MYO18B: variants seen among roughly 807,000 people sequenced by gnomAD.
The protein encoded by MYO18B is unconventional myosin-XVIIIb.
A neutral mutation model predicts 273.0 loss-of-function variants in MYO18B; 204 were observed. The observed-to-expected ratio is 0.75, with a 90% CI of 0.67 to 0.84. The LOEUF (loss-of-function observed/expected upper bound fraction) is 0.84, where lower values mean the gene tolerates loss of function less well. Ranked by LOEUF, MYO18B falls within the 40% of genes least tolerant of loss-of-function variation. The pLI is 0.00. For synonymous variants in MYO18B, 1,330 were observed against 1,305.7 expected (o/e 1.02, Z -0.40); for missense variants, 3,212 against 3,287.6 (o/e 0.98, Z 0.56).
At chr22:25,832,474 T>C (rs956649706) in intron 15 of MYO18B, among the ~76,000 whole-genome samples, 1 of 152,190 alleles carries the variant, frequency 6.6e-6, no homozygotes, top group African/African-American at 2.4e-5. Context: ...AAATGGTACA[T>C]GCTGGATGAA....
intron 33 of MYO18B, among the ~76,000 whole-genome samples, chr22:25,912,371 T>C (rs1431807762): frequency 6.6e-6 from 1 of 152,086 alleles, no homozygotes; most frequent in Non-Finnish European, 1.5e-5. Context: ...TAGAGGGGAA[T>C]CACTGCGAGA....
At chr22:25,836,607 T>A (rs2089908030) in intron 17 of MYO18B, among the ~76,000 whole-genome samples, 1 of 152,028 alleles carries the variant, frequency 6.6e-6, no homozygotes, top group South Asian at 2.1e-4. Flanking sequence ...AAAGACAGAT[T>A]CAAAACATGG....
At chr22:25,791,988 G>A (rs893035952) in intron 11 of MYO18B, among the ~76,000 whole-genome samples, 1 of 152,180 alleles carries the variant, frequency 6.6e-6, no homozygotes, top group African/African-American at 2.4e-5. Context: ...TGGTACTTTC[G>A]TTCTTCCCAC....
chr22:25,971,850 C>G (rs997988696), intron 39 of MYO18B, among the ~76,000 whole-genome samples: 1 of 152,082 alleles, frequency 6.6e-6, no homozygotes, highest in African/African-American at 2.4e-5. Flanking sequence ...ATCATGTTTG[C>G]ATTTTAACTG....
In MYO18B at chr22:26,012,887, A is replaced by T. The variant is rs567608286; in HGVS notation, c.6470+8032A>T. Among the ~76,000 whole-genome samples the T allele has an allele frequency of 2.6e-5, 4 of 152,314 alleles. No homozygotes were observed. The South Asian group carries it at 8.3e-4, about 32-fold the overall frequency. ...TCTTGAGGAAATTTTCAAAAAATTG[A>T]TCATACCTAATTAATTTGTAATTAC... On this transcript the variant is annotated intron_variant, in intron 42 of 43. Coordinates refer to ENST00000335473, the MANE Select transcript of MYO18B (RefSeq NM_032608.7).
At chr22:25,985,494 A>G (rs1227452675) in intron 39 of MYO18B, among the ~76,000 whole-genome samples, 1 of 152,182 alleles carries the variant, frequency 6.6e-6, no homozygotes, top group Non-Finnish European at 1.5e-5. Context: ...GAGACTGGGC[A>G]TACATTTGGG....
chr22:25,838,676 G>C (rs2089979936), intron 17 of MYO18B, among the ~76,000 whole-genome samples: 1 of 152,194 alleles, frequency 6.6e-6, no homozygotes, highest in South Asian at 2.1e-4. Flanking sequence ...GGAGCCATGG[G>C]CTGTACCATA....
Position 25,996,104 on chromosome 22 carries a change from TG to T in MYO18B, c.6287+3612del, listed in dbSNP as rs568438079. 4.6e-5 allele frequency among the ~76,000 whole-genome samples: 7 copies of T among 152,368 alleles called. No individual in the cohort carries two copies. The South Asian group carries it at 1.4e-3, about 32-fold the overall frequency. On this transcript the variant is annotated intron_variant, in intron 40 of 43. Coordinates refer to ENST00000335473, the MANE Select transcript of MYO18B (RefSeq NM_032608.7). ...AATAGGCTTTGCACATCAACAAGTC[TG>T]ATTGCCAATTAGAGATCTAATGGTT...
At chr22:25,762,714 G>T (rs1473880006) in intron 2 of MYO18B, among the ~76,000 whole-genome samples, 2 of 152,272 alleles carry the variant, frequency 1.3e-5, no homozygotes, top group Non-Finnish European at 2.9e-5. Context: ...CACAAGGTCA[G>T]GTCCTTATAT....
intron 9 of MYO18B, among the ~76,000 whole-genome samples, chr22:25,780,788 A>G (rs942540533): frequency 2.0e-5 from 3 of 152,104 alleles, no homozygotes; most frequent in Non-Finnish European, 4.4e-5. Flanking sequence ...TGAAATATTC[A>G]TGAGCAAATA....
At chr22:25,841,831 G>A (rs888238267) in intron 17 of MYO18B, among the ~76,000 whole-genome samples, 2 of 152,194 alleles carry the variant, frequency 1.3e-5, no homozygotes, top group African/African-American at 2.4e-5. Context: ...GTGGAAGGAG[G>A]CAGCCAGGTA....
At chr22:26,028,038 G>A (rs1490776460) in intron 43 of MYO18B, among the ~76,000 whole-genome samples, 44 of 152,116 alleles carry the variant, frequency 2.9e-4, no homozygotes, top group Non-Finnish European at 5.9e-4. Context: ...AAGGTCAGGA[G>A]TTTGAGACCA....
At chr22:25,748,657 T>C (rs928820664) in intron 1 of MYO18B, among the ~76,000 whole-genome samples, 4 of 152,196 alleles carry the variant, frequency 2.6e-5, no homozygotes, top group African/African-American at 9.6e-5. Flanking sequence ...TTCTTCTTCA[T>C]CTCACCACCC....
chr22:25,982,293 G>A (rs989085115), intron 39 of MYO18B, among the ~76,000 whole-genome samples: 3 of 152,172 alleles, frequency 2.0e-5, no homozygotes, highest in Admixed American at 6.5e-5. Flanking sequence ...TAGTGAGGAA[G>A]TGAGGCCTCC....
chr22:25,915,545 T>G (rs948256634), intron 33 of MYO18B, among the ~76,000 whole-genome samples: 1 of 152,222 alleles, frequency 6.6e-6, no homozygotes, highest in Non-Finnish European at 1.5e-5. Context: ...CCATCATTGA[T>G]GGAAATGTAA....
chr22:25,843,988 G>A, intron 18 of MYO18B, 94 bp downstream of exon 18: 5 of 1,172,910 alleles, frequency 4.3e-6, no homozygotes, highest in South Asian at 1.7e-5. Context: ...AACACAGTGT[G>A]GGAGGGCCAG....
At position 25,770,096 on chromosome 22, in the gene MYO18B, A is replaced by T; in HGVS notation, c.1513-14A>T. 1 of 1,613,680 alleles carries T rather than the reference A, an allele frequency of 6.2e-7. No individual in the cohort carries two copies. The highest frequency in any genetic ancestry group is 8.5e-7 in the Non-Finnish European group (1 of 1,179,746). ...GCCATTTGCTGGTTTAATTTACGTG[A>T]TGTTGGTTCTCAGGCTCCTGAGGAC... is the stretch of plus-strand genomic sequence containing the variant. On this transcript the variant is annotated splice_polypyrimidine_tract_variant and intron_variant, in intron 4 of 43. Coordinates refer to ENST00000335473, the MANE Select transcript of MYO18B (RefSeq NM_032608.7).
At chr22:26,031,832 G>A (rs1270747058), downstream of MYO18B, among the ~76,000 whole-genome samples, 2 of 152,212 alleles carry the variant, frequency 1.3e-5, no homozygotes, top group Non-Finnish European at 2.9e-5. Context: ...GTGGAACAGT[G>A]GACCCTGTTG....
At chr22:25,862,415 C>T (rs1033895896) in intron 21 of MYO18B, among the ~76,000 whole-genome samples, 2 of 152,128 alleles carry the variant, frequency 1.3e-5, no homozygotes, top group Non-Finnish European at 2.9e-5. Context: ...TTTTCCCATG[C>T]TCTTTAGTCC....
Sources: allele counts gnomAD v4.1 joint callset (sites outside exome capture counted in the v4.1 genomes callset), GRCh38; gene constraint gnomAD v4.1.1; transcripts MANE v1.5; gene names NCBI Gene and HGNC (gene_info 2026-07-23, HGNC 2026-07-21).